The following SNTG2 variants were observed in gnomAD, a reference collection of about 807,000 sequenced individuals.
The protein encoded by SNTG2 is gamma-2-syntrophin.
A neutral mutation model predicts 70.9 loss-of-function variants in SNTG2; 74 were observed. The observed-to-expected ratio is 1.04, with a 90% CI of 0.86 to 1.27. SNTG2 has a LOEUF of 1.27. Ranked by LOEUF, SNTG2 falls within the 50% of genes most tolerant of loss-of-function variation. The pLI is 0.00. For missense variants in SNTG2, 717 were observed against 690.7 expected (o/e 1.04, Z -0.43); for synonymous variants, 278 against 273.8 (o/e 1.02, Z -0.15).
chr2:1,095,385 G>A (rs1470984072), intron 2 of SNTG2, among the ~76,000 whole-genome samples: 1 of 152,174 alleles, frequency 6.6e-6, no homozygotes, highest in Admixed American at 6.5e-5. Context: ...AATGTACACA[G>A]AAAGGAACAT....
chr2:1,233,416 G>A (rs1055481054), intron 9 of SNTG2, among the ~76,000 whole-genome samples: 2 of 152,176 alleles, frequency 1.3e-5, no homozygotes, highest in East Asian at 1.9e-4. Flanking sequence ...GATTCCCAGC[G>A]GTGTGGGCGG....
chr2:1,302,958 A>T (rs143211439), intron 14 of SNTG2, among the ~76,000 whole-genome samples: 1 of 152,326 alleles, frequency 6.6e-6, no homozygotes, highest in Non-Finnish European at 1.5e-5. Flanking sequence ...CTAAGTGAGT[A>T]TTCACAAAAC....
Position 1,083,586 on chromosome 2 carries a change from G to T in SNTG2, c.141G>T (p.Leu47=). ...ATGCCTATGACATCCGGCTGAAGCT[G>T]ACGAAAGAGGTGCTGACAATTCAGA... ...SENAYDIRLK[L]TKEVLTIQKQ... The change falls in exon 2 of 17, where the codon CTG becomes CTT. Residue 47 remains leucine (L), a synonymous_variant. Coordinates refer to ENST00000308624, the MANE Select transcript of SNTG2 (RefSeq NM_018968.4). 6.2e-7 allele frequency: 1 copy of T among 1,613,808 alleles called. No homozygotes were observed. The highest frequency in any genetic ancestry group is 1.1e-5 in the South Asian group (1 of 91,082).
At chr2:1,185,638 T>C (rs1672198818) in intron 8 of SNTG2, among the ~76,000 whole-genome samples, 2 of 152,142 alleles carry the variant, frequency 1.3e-5, no homozygotes, top group African/African-American at 4.8e-5. Context: ...GCCTGAGACA[T>C]ATCTGGGACC....
At chr2:1,182,585 C>T (rs1671989145) in intron 8 of SNTG2, among the ~76,000 whole-genome samples, 1 of 152,128 alleles carries the variant, frequency 6.6e-6, no homozygotes, top group Non-Finnish European at 1.5e-5. Flanking sequence ...AAGATTGCCT[C>T]CCAGGCAGAG....
Position 1,110,463 on chromosome 2 carries a change from C to G in SNTG2, c.325+12053C>G, listed in dbSNP as rs80244487. 2.6e-5 allele frequency among the ~76,000 whole-genome samples: 4 copies of G among 152,090 alleles called. No individual in the cohort carries two copies. In the East Asian group the frequency reaches 5.8e-4, roughly 22 times the overall value. On this transcript the variant is annotated intron_variant, in intron 4 of 16. Transcript: ENST00000308624. ...GCTGAATTTGCTGTGAAGCCTTTCT[C>G]CCCTAATACCTTCTCCTCTGCCTCC...
intron 9 of SNTG2, among the ~76,000 whole-genome samples, chr2:1,224,257 T>A (rs1256182253): frequency 6.6e-6 from 1 of 152,198 alleles, no homozygotes; most frequent in Non-Finnish European, 1.5e-5. Flanking sequence ...GACCCCAGAC[T>A]TGGGGATGGG....
At chr2:1,270,787 T>C (rs1458986800) in intron 14 of SNTG2, among the ~76,000 whole-genome samples, 1 of 152,226 alleles carries the variant, frequency 6.6e-6, no homozygotes, top group African/African-American at 2.4e-5. Context: ...TTTTCTACTA[T>C]TTCCTGACTT....
At chr2:1,104,872 G>A (rs1404737286) in intron 4 of SNTG2, among the ~76,000 whole-genome samples, 2 of 152,138 alleles carry the variant, frequency 1.3e-5, no homozygotes, top group Admixed American at 1.3e-4. Flanking sequence ...CATGTTCATT[G>A]CCTTATATTT....
intron 9 of SNTG2, among the ~76,000 whole-genome samples, chr2:1,213,703 T>G (rs1674194066): frequency 6.6e-6 from 1 of 152,158 alleles, no homozygotes; most frequent in Non-Finnish European, 1.5e-5. Context: ...TGCATGTCTT[T>G]GTGGGGAGGA....
intron 1 of SNTG2, among the ~76,000 whole-genome samples, chr2:984,253 A>G (rs1661230021): frequency 1.4e-5 from 2 of 138,822 alleles, no homozygotes; most frequent in Non-Finnish European, 3.1e-5. Flanking sequence ...CCCAAAAGAA[A>G]CAAAGCTTTT....
chr2:1,017,396 C>A (rs1659930269), intron 1 of SNTG2, among the ~76,000 whole-genome samples: 1 of 152,186 alleles, frequency 6.6e-6, no homozygotes, highest in Non-Finnish European at 1.5e-5. Context: ...CATACACATG[C>A]AGGCATGCAG....
At position 1,148,938 on chromosome 2, in the gene SNTG2, G is replaced by A. The variant is rs190081685; in HGVS notation, c.411+11129G>A. 3.9e-5 allele frequency among the ~76,000 whole-genome samples: 6 copies of A among 152,202 alleles called. No individual in the cohort carries two copies. The East Asian group carries it at 7.8e-4, about 20-fold the overall frequency. ...TGCAGATGAAAGGGACAGGAGTCTC[G>A]AGGTTTCACAGCTGCTTGATGCTTC... On this transcript the variant is annotated intron_variant, in intron 6 of 16. Transcript: ENST00000308624.
At chr2:1,318,287 A>AT (rs1252425435) in intron 16 of SNTG2, among the ~76,000 whole-genome samples, 3 of 152,214 alleles carry the variant, frequency 2.0e-5, no homozygotes, top group Non-Finnish European at 4.4e-5. Flanking sequence ...CTTTGCACAC[A>AT]TTTTTTTCTC....
At chr2:1,145,397 A>C (rs1669032020) in intron 6 of SNTG2, among the ~76,000 whole-genome samples, 1 of 152,162 alleles carries the variant, frequency 6.6e-6, no homozygotes, top group Non-Finnish European at 1.5e-5. Context: ...CAAAGAGAGG[A>C]TATTACTATA....
intron 14 of SNTG2, among the ~76,000 whole-genome samples, chr2:1,299,322 T>A (rs1395960036): frequency 1.3e-5 from 2 of 152,146 alleles, no homozygotes; most frequent in Non-Finnish European, 2.9e-5. Flanking sequence ...ATCCTCTCAT[T>A]TCTGGAGGCT....
intron 6 of SNTG2, among the ~76,000 whole-genome samples, chr2:1,164,815 C>T (rs74879938): frequency 0.013 from 1,999 of 150,850 alleles, 44 homozygotes; most frequent in African/African-American, 0.046. Context: ...GAGGAGAGGG[C>T]GGGTGGGCTA....
intron 13 of SNTG2, 56 bp downstream of exon 13, chr2:1,259,497 T>A (rs1205320246): frequency 7.1e-7 from 1 of 1,408,694 alleles, no homozygotes; most frequent in African/African-American, 1.4e-5. Flanking sequence ...CCTTTGGGCT[T>A]GCAGAATGAG....
chr2:1,109,085 T>G (rs532617964), intron 4 of SNTG2, among the ~76,000 whole-genome samples: 33 of 152,094 alleles, frequency 2.2e-4, no homozygotes, highest in African/African-American at 7.7e-4. Context: ...TTGGTAATAG[T>G]GGACGCACGC....
Sources: allele counts gnomAD v4.1 joint callset (sites outside exome capture counted in the v4.1 genomes callset), GRCh38; gene constraint gnomAD v4.1.1; transcripts MANE v1.5; gene names NCBI Gene and HGNC (gene_info 2026-07-23, HGNC 2026-07-21).